The following ROBO2 variants were observed in gnomAD, a reference collection of about 807,000 sequenced individuals.
ROBO2 encodes the protein roundabout guidance receptor 2, also known as roundabout homolog 2.
Under a neutral mutation model 160.8 loss-of-function variants are expected in ROBO2, and 53 were observed. The observed-to-expected ratio is 0.33, with a 90% CI of 0.26 to 0.41. The LOEUF is 0.41. Ranked by LOEUF, ROBO2 falls within the 10% of genes least tolerant of loss-of-function variation. ROBO2 has a pLI of 1.00. For synonymous variants in ROBO2, 664 were observed against 611.7 expected (o/e 1.09, Z -1.26); for missense variants, 1,577 against 1,722.4 (o/e 0.92, Z 1.49).
intron 2 of ROBO2, among the ~76,000 whole-genome samples, chr3:76,965,832 T>A (rs34757793): frequency 0.22 from 30,737 of 142,194 alleles, 3,492 homozygotes; most frequent in South Asian, 0.32. Flanking sequence ...TAATTATTAT[T>A]TTTGTGGACA....
intron 2 of ROBO2, among the ~76,000 whole-genome samples, chr3:76,030,669 A>G (rs950232703): frequency 6.6e-6 from 1 of 152,128 alleles, no homozygotes; most frequent in Non-Finnish European, 1.5e-5. Flanking sequence ...CAAAGATCAG[A>G]TGGTTGTAGA....
At chr3:76,039,439 A>C (rs1243085354) in intron 2 of ROBO2, among the ~76,000 whole-genome samples, 2 of 152,002 alleles carry the variant, frequency 1.3e-5, no homozygotes, top group Admixed American at 6.5e-5. Flanking sequence ...TTTAATATAA[A>C]TGGCCATGCA....
intron 2 of ROBO2, among the ~76,000 whole-genome samples, chr3:76,061,736 C>T (rs140807272): frequency 6.6e-6 from 1 of 152,130 alleles, no homozygotes; most frequent in African/African-American, 2.4e-5. Flanking sequence ...GCTAAAACCC[C>T]ACAGATCCAT....
intron 2 of ROBO2, among the ~76,000 whole-genome samples, chr3:77,025,507 G>A (rs887994361): frequency 2.0e-5 from 3 of 152,158 alleles, no homozygotes; most frequent in African/African-American, 7.2e-5. Context: ...ACTAACAAAA[G>A]TTTCTAAAAG....
chr3:77,166,467 T>C (rs972500829), intron 2 of ROBO2, among the ~76,000 whole-genome samples: 7 of 152,184 alleles, frequency 4.6e-5, no homozygotes, highest in African/African-American at 1.7e-4. Context: ...TTTGGCCCAA[T>C]ATCTGTTTTT....
chr3:76,892,022 A>C (rs896621592), intron 2 of ROBO2, among the ~76,000 whole-genome samples: 1 of 150,294 alleles, frequency 6.7e-6, no homozygotes, highest in Non-Finnish European at 1.5e-5. Context: ...CCTGGGAGTT[A>C]AACTTCTCGT....
At chr3:77,583,004 T>G (rs996581227) in intron 16 of ROBO2, among the ~76,000 whole-genome samples, 1 of 151,508 alleles carries the variant, frequency 6.6e-6, no homozygotes, top group African/African-American at 2.4e-5. Context: ...TAGCCGGGCG[T>G]GGTGGCGTGC....
chr3:76,830,261 C>T (rs532302289), intron 2 of ROBO2, among the ~76,000 whole-genome samples: 8 of 152,180 alleles, frequency 5.3e-5, no homozygotes, highest in African/African-American at 1.7e-4. Flanking sequence ...TTCGAACAGG[C>T]GTTTCTCCCT....
intron 2 of ROBO2, among the ~76,000 whole-genome samples, chr3:76,725,341 C>T (rs1270006247): frequency 6.6e-6 from 1 of 152,154 alleles, no homozygotes; most frequent in African/African-American, 2.4e-5. Context: ...CTGCCATTGT[C>T]CTTGCACAAA....
At chr3:77,327,961 G>A (rs192492911) in intron 2 of ROBO2, among the ~76,000 whole-genome samples, 1 of 149,412 alleles carries the variant, frequency 6.7e-6, no homozygotes, top group Admixed American at 6.8e-5. Context: ...TGAGGCATGA[G>A]AATCGCTTGA....
intron 2 of ROBO2, among the ~76,000 whole-genome samples, chr3:77,309,823 T>A (rs2063392219): frequency 6.6e-6 from 1 of 152,150 alleles, no homozygotes; most frequent in South Asian, 2.1e-4. Context: ...TGTTGAAGGG[T>A]CCATAGAGAG....
At chr3:77,200,267 T>TTATATATATATATA (rs144644165) in intron 2 of ROBO2, among the ~76,000 whole-genome samples, 2 of 46,554 alleles carry the variant, frequency 4.3e-5, no homozygotes, top group Non-Finnish European at 5.3e-5. Context: ...CTAACATATT[T>TTATATATATATATA]TATATATATA....
chr3:77,112,652 C>T (rs1284139361), intron 2 of ROBO2, among the ~76,000 whole-genome samples: 1 of 152,082 alleles, frequency 6.6e-6, no homozygotes, highest in Non-Finnish European at 1.5e-5. Context: ...CGTTCCTACC[C>T]GGCACCTCAA....
At chr3:77,010,196 T>G (rs141416345) in intron 2 of ROBO2, among the ~76,000 whole-genome samples, 6 of 152,188 alleles carry the variant, frequency 3.9e-5, no homozygotes, top group Non-Finnish European at 8.8e-5. Context: ...TTCATATTAG[T>G]TTGGTGTCAA....
chr3:76,749,228 C>T (rs146258390), intron 2 of ROBO2, among the ~76,000 whole-genome samples: 1 of 151,484 alleles, frequency 6.6e-6, no homozygotes, highest in Non-Finnish European at 1.5e-5. Flanking sequence ...AATTATGATG[C>T]ATTATTTTTG....
At chr3:75,954,904 A>G (rs1313456089) in intron 2 of ROBO2, among the ~76,000 whole-genome samples, 1 of 151,900 alleles carries the variant, frequency 6.6e-6, no homozygotes, top group Non-Finnish European at 1.5e-5. Flanking sequence ...GAAATACATG[A>G]CTTTTCAAAA....
intron 1 of ROBO2, among the ~76,000 whole-genome samples, chr3:75,930,673 G>A (rs1297520053): frequency 1.3e-5 from 2 of 152,116 alleles, no homozygotes; most frequent in African/African-American, 4.8e-5. Context: ...GAGATAACAT[G>A]TCCCGGTTTC....
chr3:76,734,030 T>C (rs2093673710), intron 2 of ROBO2, among the ~76,000 whole-genome samples: 4 of 152,132 alleles, frequency 2.6e-5, no homozygotes, highest in Admixed American at 2.6e-4. Context: ...TGTCTCTGCT[T>C]ATGAGGGAAC....
At position 77,537,529 on chromosome 3, in the gene ROBO2, T is replaced by C. The variant is rs2092201378; in HGVS notation, c.935-8809T>C. ...ATGGTAGTCATTCTATTCTCTTTGA[T>C]TATTTTTTCATATTTATGAGAGCAA... On this transcript the variant is annotated intron_variant, in intron 6 of 25. Transcript: ENST00000461745. 2.0e-5 allele frequency among the ~76,000 whole-genome samples: 3 copies of C among 152,194 alleles called. No individual in the cohort carries two copies. In the South Asian group the frequency reaches 6.2e-4, roughly 31 times the overall value.
Sources: allele counts gnomAD v4.1 joint callset (sites outside exome capture counted in the v4.1 genomes callset), GRCh38; gene constraint gnomAD v4.1.1; transcripts MANE v1.5; gene names NCBI Gene and HGNC (gene_info 2026-07-23, HGNC 2026-07-21).